Variants in ITGB5 observed in about 807,000 individuals in gnomAD.
The protein encoded by ITGB5 is integrin subunit beta 5, also known as integrin beta-5.
ITGB5 carries 38 observed loss-of-function variants against 84.8 expected under a neutral mutation model. The ratio of observed to expected loss-of-function variants is 0.45; its 90% confidence interval spans 0.35 to 0.59. The LOEUF (loss-of-function observed/expected upper bound fraction) is 0.59, where lower values mean the gene tolerates loss of function less well. Ranked by LOEUF, ITGB5 falls within the 20% of genes least tolerant of loss-of-function variation. The pLI, the probability that ITGB5 is intolerant of heterozygous loss-of-function variation, is 0.01. For synonymous variants in ITGB5, 393 were observed against 414.4 expected, an observed-to-expected ratio of 0.95 and a Z score of 0.63; for missense variants, 905 against 1,034.5, an observed-to-expected ratio of 0.87 and a Z score of 1.72.
intron 11 of ITGB5, among the ~76,000 whole-genome samples, chr3:124,771,748 C>CAAA (rs59189728): frequency 2.9e-5 from 2 of 69,182 alleles, no homozygotes; most frequent in African/African-American, 5.3e-5. Context: ...GACCCTGTCT[C>CAAA]AAAAAAAAAA....
At chr3:124,764,664 T>C (rs945470116) in intron 13 of ITGB5, 107 bp from the exon 14 acceptor site, 9 of 1,011,936 alleles carry the variant, frequency 8.9e-6, no homozygotes, top group African/African-American at 8.0e-5. Flanking sequence ...CCAAAGGCCT[T>C]CTCCTCGGCT....
At chr3:124,860,371 G>A (rs981474347) in intron 2 of ITGB5, among the ~76,000 whole-genome samples, 13 of 152,086 alleles carry the variant, frequency 8.5e-5, no homozygotes, top group Admixed American at 2.0e-4. Flanking sequence ...TATTTATTAG[G>A]ATTTGAAAGA....
intron 3 of ITGB5, among the ~76,000 whole-genome samples, chr3:124,854,700 C>A (rs2065199822): frequency 6.6e-6 from 1 of 152,128 alleles, no homozygotes. Context: ...ACTGTACAAC[C>A]TTGCAAATAT....
At chr3:124,827,227 C>A (rs1023608106) in intron 5 of ITGB5, among the ~76,000 whole-genome samples, 3 of 152,122 alleles carry the variant, frequency 2.0e-5, no homozygotes, top group Non-Finnish European at 4.4e-5. Context: ...ACTGTGGGCC[C>A]CTCAGTCAGT....
rs570012752 is a variant in ITGB5, at chr3:124,863,920, C to T, written c.157-4474G>A. Reference sequence around the variant, plus strand: ...TAATGGCTATGACCTTCCAGGTATACAAACATTATAAATCTGGAAAATGTC... The same window carrying T: ...TAATGGCTATGACCTTCCAGGTATATAAACATTATAAATCTGGAAAATGTC... On this transcript the variant is annotated intron_variant, in intron 2 of 14. Transcript: ENST00000296181. Among the ~76,000 whole-genome samples, 17 of 140,874 alleles carry T rather than the reference C, an allele frequency of 1.2e-4. No homozygotes were observed. The South Asian group carries it at 3.8e-3, about 31-fold the overall frequency. 92.4% of individuals were successfully genotyped at this position (140,874 alleles called of 152,430 possible).
intron 1 of ITGB5, among the ~76,000 whole-genome samples, chr3:124,897,939 C>T (rs1413490947): frequency 6.6e-6 from 1 of 152,094 alleles, no homozygotes; most frequent in African/African-American, 2.4e-5. Flanking sequence ...AGTTCTAAGC[C>T]AATATGATGT....
chr3:124,828,217 G>A (rs114029173), intron 5 of ITGB5, among the ~76,000 whole-genome samples: 4,451 of 152,224 alleles, frequency 0.029, 97 homozygotes, highest in Non-Finnish European at 0.042. Context: ...GAAAGCATAC[G>A]TCCATACAAA....
At chr3:124,882,709 C>T (rs1214696245) in intron 1 of ITGB5, among the ~76,000 whole-genome samples, 1 of 152,180 alleles carries the variant, frequency 6.6e-6, no homozygotes, top group African/African-American at 2.4e-5. Flanking sequence ...CTCTGAGGGA[C>T]AGTTGAGAAT....
In ITGB5 at chr3:124,881,240, T is replaced by C. The variant is rs556881049; in HGVS notation, c.70+5691A>G. Among the ~76,000 whole-genome samples, 17 of 152,222 alleles carry C rather than the reference T, an allele frequency of 1.1e-4. No homozygotes were observed. In the East Asian group the frequency reaches 2.9e-3, roughly 26 times the overall value. On this transcript the variant is annotated intron_variant, in intron 1 of 14. Transcript: ENST00000296181. Reference sequence around the variant, plus strand: ...CTCAGGTAATCTGCCTGCCTCGGCCTCCCAAAGTGCTGGGATGATAGGTGT... The same window carrying C: ...CTCAGGTAATCTGCCTGCCTCGGCCCCCCAAAGTGCTGGGATGATAGGTGT...
intron 1 of ITGB5, among the ~76,000 whole-genome samples, chr3:124,897,289 C>T (rs953351755): frequency 2.0e-5 from 3 of 152,048 alleles, no homozygotes; most frequent in Non-Finnish European, 4.4e-5. Flanking sequence ...GGTGGGATCT[C>T]ACTATGTTGC....
In ITGB5 at chr3:124,779,581, G is replaced by C. The variant is rs561184990; in HGVS notation, c.1694-5669C>G. 2.6e-5 allele frequency among the ~76,000 whole-genome samples: 4 copies of C among 152,276 alleles called. No individual in the cohort carries two copies. The East Asian group carries it at 7.7e-4, about 29-fold the overall frequency. On this transcript the variant is annotated intron_variant, in intron 10 of 14. Transcript: ENST00000296181. ...CTATGAAGAACCACCTGGAAAAGGGGGCAGTGGAGTGCGGTGGTTAACACA... is the reference window on the plus strand; with the variant it reads ...CTATGAAGAACCACCTGGAAAAGGGCGCAGTGGAGTGCGGTGGTTAACACA...
chr3:124,785,439 G>A (rs908630639), intron 10 of ITGB5, among the ~76,000 whole-genome samples: 1 of 152,014 alleles, frequency 6.6e-6, no homozygotes, highest in Non-Finnish European at 1.5e-5. Flanking sequence ...CAAAAAATTA[G>A]CCAGGTGTGG....
chr3:124,852,063 C>T (rs2065164252), intron 3 of ITGB5, among the ~76,000 whole-genome samples: 1 of 152,188 alleles, frequency 6.6e-6, no homozygotes, highest in South Asian at 2.1e-4. Flanking sequence ...ACTCTCCTCC[C>T]TTCCAACTCC....
At chr3:124,786,658 C>A (rs1371230938) in intron 10 of ITGB5, among the ~76,000 whole-genome samples, 1 of 152,096 alleles carries the variant, frequency 6.6e-6, no homozygotes, top group African/African-American at 2.4e-5. Flanking sequence ...TTGAGCAGAT[C>A]AGACTTGGAG....
At chr3:124,861,495 T>TATATATATATACACACAC (rs750712591) in intron 2 of ITGB5, among the ~76,000 whole-genome samples, 1 of 111,992 alleles carries the variant, frequency 8.9e-6, no homozygotes, top group Non-Finnish European at 1.7e-5. Context: ...TATATATATA[T>TATATATATATACACACAC]ACACACACAC....
At chr3:124,772,432 C>T (rs1038614388) in intron 11 of ITGB5, among the ~76,000 whole-genome samples, 4 of 152,140 alleles carry the variant, frequency 2.6e-5, no homozygotes, top group African/African-American at 4.8e-5. Context: ...CCGCTGCAGG[C>T]GCAGGGAGCA....
chr3:124,901,004 G>A (rs140358106), intron 1 of ITGB5, among the ~76,000 whole-genome samples: 238 of 152,258 alleles, frequency 1.6e-3, no homozygotes, highest in African/African-American at 5.5e-3. Context: ...AGCAAACAGC[G>A]TAACATTCAT....
chr3:124,805,280 C>T (rs1251291859), intron 9 of ITGB5, among the ~76,000 whole-genome samples: 2 of 151,684 alleles, frequency 1.3e-5, no homozygotes, highest in Non-Finnish European at 1.5e-5. Flanking sequence ...CTAGGTGGGA[C>T]CACAGGTGCT....
At chr3:124,803,324 T>C (rs1334753979) in intron 9 of ITGB5, among the ~76,000 whole-genome samples, 2 of 152,216 alleles carry the variant, frequency 1.3e-5, no homozygotes, top group Non-Finnish European at 2.9e-5. Context: ...CCAACTTGGC[T>C]CCCGATGCTT....
Sources: allele counts gnomAD v4.1 joint callset (sites outside exome capture counted in the v4.1 genomes callset), GRCh38; gene constraint gnomAD v4.1.1; transcripts MANE v1.5; gene names NCBI Gene and HGNC (gene_info 2026-07-23, HGNC 2026-07-21).